The following KIF21B variants were observed in gnomAD, a reference collection of about 807,000 sequenced individuals.
KIF21B encodes kinesin family member 21B.
KIF21B carries 85 observed loss-of-function variants against 192.9 expected under a neutral mutation model. The observed-to-expected ratio is 0.44, with a 90% confidence interval of 0.37 to 0.53. The LOEUF is 0.53. Ranked by LOEUF, KIF21B falls within the 20% of genes least tolerant of loss-of-function variation. The pLI, the probability that KIF21B is intolerant of heterozygous loss-of-function variation, is 0.00. For synonymous variants in KIF21B, 832 were observed against 884.6 expected (o/e 0.94, Z 1.05); for missense variants, 1,716 against 2,194.8 (o/e 0.78, Z 4.36).
chr1:200,975,739 AC>A lies in KIF21B; in HGVS notation c.4444-71del. ...GAAGGCAGGGCCTACAGCACTGTGG[AC>A]CCAGAGGCCTGAAGACCCAGGAGTC... is the stretch of plus-strand genomic sequence containing the variant. On this transcript the variant is annotated intron_variant, in intron 32 of 34. Coordinates refer to ENST00000461742, the MANE Select transcript of KIF21B (RefSeq NM_001252102.2). This position sits in a 1 kb window ranked among gnomAD's most constrained non-coding sequence, Gnocchi z 4.3. 1 of 1,457,508 alleles carries A rather than the reference AC, an allele frequency of 6.9e-7. No individual in the cohort carries two copies. Among genetic ancestry groups the A allele is most frequent in the Non-Finnish European group, 9.2e-7 (1 of 1,086,726 alleles). 90.3% of individuals were successfully genotyped at this position (1,457,508 alleles called of 1,614,324 possible).
At chr1:201,019,756 C>T (rs1658715642) in intron 1 of KIF21B, among the ~76,000 whole-genome samples, 1 of 152,038 alleles carries the variant, frequency 6.6e-6, no homozygotes, top group East Asian at 1.9e-4. Flanking sequence ...CTGTATGGGC[C>T]TCAGTTTCTG....
intron 31 of KIF21B, 76 bp downstream of exon 31, chr1:200,977,136 G>T: frequency 6.5e-7 from 1 of 1,527,584 alleles, no homozygotes; most frequent in South Asian, 1.2e-5. Flanking sequence ...CCCTGGGGTG[G>T]GTCCCCCTGA....
At chr1:201,009,240 C>T in intron 2 of KIF21B, 26 bp downstream of exon 2, 1 of 1,604,630 alleles carries the variant, frequency 6.2e-7, no homozygotes, top group South Asian at 1.1e-5. Flanking sequence ...CTGGAGCCGC[C>T]ATAGGTGGGC....
In KIF21B at chr1:200,976,900, T is replaced by C; in HGVS notation, c.4326-7A>G. ...CTTGCCGACAGGCTGGAACCTGCAGTGGGAAGAGGCCCAGCCAGGGGTAGG... is the reference window on the plus strand; with the variant it reads ...CTTGCCGACAGGCTGGAACCTGCAGCGGGAAGAGGCCCAGCCAGGGGTAGG... On this transcript the variant is annotated splice_region_variant and splice_polypyrimidine_tract_variant and intron_variant, in intron 31 of 34. Transcript: ENST00000461742. 1.3e-6 allele frequency: 2 copies of C among 1,596,760 alleles called. No homozygotes were observed. Among genetic ancestry groups the C allele is most frequent in the East Asian group, 2.2e-5 (1 of 44,568 alleles).
chr1:201,009,131 G>A, intron 2 of KIF21B, 135 bp downstream of exon 2: 2 of 1,114,530 alleles, frequency 1.8e-6, no homozygotes, highest in East Asian at 2.6e-5. Context: ...CTAACCAGCG[G>A]TGCAACGGCC....
At chr1:200,974,262 G>C in intron 34 of KIF21B, 32 of 1,459,198 alleles carry the variant, frequency 2.2e-5, no homozygotes, top group Non-Finnish European at 2.9e-5. Context: ...GGGGAGAGAA[G>C]GGACAAAGTC....
At chr1:200,991,542 C>T (rs1262496687) in intron 17 of KIF21B, 115 bp downstream of exon 17, 3 of 1,082,256 alleles carry the variant, frequency 2.8e-6, no homozygotes, top group Non-Finnish European at 4.1e-6. Flanking sequence ...GGAAATACCG[C>T]CTTTATTCCA....
rs1351701830 is a variant in KIF21B, at chr1:200,981,090, G to A, written c.3849C>T (p.Ile1283=). 6.3e-6 allele frequency: 10 copies of A among 1,590,424 alleles called. No homozygotes were observed. The highest frequency in any genetic ancestry group is 7.7e-6 in the Non-Finnish European group (9 of 1,172,634). The change falls in exon 29 of 35, where the codon ATC becomes ATT. Residue 1283 remains isoleucine (I), a synonymous_variant. Coordinates refer to ENST00000461742, the MANE Select transcript of KIF21B (RefSeq NM_001252102.2). The part of the protein sequence containing the change: ...DSSLSEVLRG[I]ISPVGGAKGA... ...CCTTGGCTCCTCCAACCGGGGAGAT[G>A]ATGCCCCTTCCCGGGAGAGAGGGAG...
intron 1 of KIF21B, among the ~76,000 whole-genome samples, chr1:201,022,157 G>A (rs1393024426): frequency 2.0e-5 from 3 of 152,216 alleles, no homozygotes; most frequent in East Asian, 1.9e-4. Context: ...CCAGGTGGCC[G>A]TGGCAAGGGG....
intron 7 of KIF21B, 60 bp from the exon 8 acceptor site, chr1:201,003,841 G>T: frequency 1.3e-6 from 2 of 1,558,832 alleles, no homozygotes; most frequent in South Asian, 1.1e-5. Flanking sequence ...CAGAAGCATT[G>T]CCTCAGGGTA....
In KIF21B at chr1:200,985,402, C is replaced by A. The variant is rs890889774; in HGVS notation, c.3690-430G>T. On this transcript the variant is annotated intron_variant, in intron 26 of 34. Coordinates refer to ENST00000461742, the MANE Select transcript of KIF21B (RefSeq NM_001252102.2). ...ACTTGAGAGTCTAAGGTGGGAGGATCGCTTGAGCCTGGGAGGTGGAGATTG... is the reference window on the plus strand; with the variant it reads ...ACTTGAGAGTCTAAGGTGGGAGGATAGCTTGAGCCTGGGAGGTGGAGATTG... Among the ~76,000 whole-genome samples, 13 of 152,180 alleles carry A rather than the reference C, an allele frequency of 8.5e-5. No homozygotes were observed. The East Asian group carries it at 2.5e-3, about 30-fold the overall frequency.
Position 201,002,206 on chromosome 1 carries a change from T to A in KIF21B, c.1357A>T (p.Thr453Ser). 6.2e-7 allele frequency: 1 copy of A among 1,614,138 alleles called. No homozygotes were observed. Among genetic ancestry groups the A allele is most frequent in the Non-Finnish European group, 8.5e-7 (1 of 1,180,010 alleles). The change falls in exon 9 of 35, where the codon ACC (threonine) becomes TCC (serine). Residue 453 changes from threonine to serine, a missense_variant. Physicochemically the swap from Thr to Ser is moderately conservative, Grantham distance 58. Coordinates refer to ENST00000461742, the MANE Select transcript of KIF21B (RefSeq NM_001252102.2). ...TTGGCCTCCTGGCTCATGAGCTGGG[T>A]GACGCGGTTGTTGATGGCATCGATG... ...EAIDAINNRV[T>S]QLMSQEANLL...
At position 200,992,362 on chromosome 1, in the gene KIF21B, C is replaced by G. The variant is rs1656759906; in HGVS notation, c.2305G>C (p.Glu769Gln). 6.2e-7 allele frequency: 1 copy of G among 1,613,070 alleles called. No homozygotes were observed. Among genetic ancestry groups the G allele is most frequent in the African/African-American group, 1.3e-5 (1 of 74,954 alleles). ...KVALMKQMREEQQRRRLVETK... is the reference protein window; with the variant it reads ...KVALMKQMREQQQRRRLVETK... Reference sequence around the variant, plus strand: ...TCCACTAGCCGCCGCCGCTGTTGCTCCTCACGCATCTGCTTCATCAGGGCC... The same window carrying G: ...TCCACTAGCCGCCGCCGCTGTTGCTGCTCACGCATCTGCTTCATCAGGGCC... Residue 769 changes from glutamate to glutamine, a missense_variant, in exon 16 of 35, where the codon GAG becomes CAG. This residue lies in a region of KIF21B where 1,087 missense variants were observed against 1,316.6 expected (regional missense o/e 0.83). Transcript: ENST00000461742.
intron 1 of KIF21B, among the ~76,000 whole-genome samples, chr1:201,020,278 GC>G (rs958605308): frequency 6.6e-5 from 10 of 152,152 alleles, no homozygotes; most frequent in African/African-American, 2.4e-4. Flanking sequence ...TTTCAACTTT[GC>G]CAACTTGCAT....
At chr1:200,984,812 A>G (rs1656179642) in intron 27 of KIF21B, 47 bp downstream of exon 27, 1 of 1,387,354 alleles carries the variant, frequency 7.2e-7, no homozygotes, top group African/African-American at 1.5e-5. Flanking sequence ...CAGGCTCCCC[A>G]TTGCCACCTC....
Position 201,004,849 on chromosome 1 carries a change from C to T in KIF21B, c.817G>A (p.Asp273Asn). The part of the protein sequence containing the change: ...ETLTAKFHFV[D>N]LAGSERLKRT... The stretch of plus-strand genomic sequence containing the variant: ...TTCAGCCGCTCTGAGCCGGCCAGGT[C>T]CACAAAGTGAAACTTAGCAGTGAGT... Residue 273 changes from aspartate to asparagine, a missense_variant, in exon 6 of 35, where the codon GAC becomes AAC. Asp to Asn is a conservative substitution (Grantham distance 23). Around this residue, in one of 3 missense-constraint regions of KIF21B, gnomAD observed 1,087 missense variants for 1,316.6 expected, o/e 0.83. Transcript: ENST00000461742. 6.2e-7 allele frequency: 1 copy of T among 1,614,144 alleles called. No individual in the cohort carries two copies. Among genetic ancestry groups the T allele is most frequent in the Non-Finnish European group, 8.5e-7 (1 of 1,180,022 alleles).
chr1:201,003,919 A>C (rs987786757), intron 7 of KIF21B, 138 bp from the exon 8 acceptor site: 25 of 856,898 alleles, frequency 2.9e-5, no homozygotes, highest in Middle Eastern at 3.3e-4. Context: ...TCAGGACAGA[A>C]CCTGGGATGT....
At chr1:200,991,186 A>G (rs1656671325) in intron 17 of KIF21B, 37 bp from the exon 18 acceptor site, 1 of 1,568,678 alleles carries the variant, frequency 6.4e-7, no homozygotes, top group African/African-American at 1.4e-5. Context: ...GCCGGTGAGC[A>G]GGGTGGCCTG....
chr1:201,007,511 TACAC>T (rs1304137729), intron 3 of KIF21B, among the ~76,000 whole-genome samples: 1 of 48,620 alleles, frequency 2.1e-5, no homozygotes, highest in African/African-American at 8.8e-5. Flanking sequence ...GACACAGACA[TACAC>T]ACACAGAGAC....
Sources: allele counts gnomAD v4.1 joint callset (sites outside exome capture counted in the v4.1 genomes callset), GRCh38; gene constraint gnomAD v4.1.1; regional missense constraint gnomAD v4.1.1; non-coding constraint Gnocchi (gnomAD v3.1); transcripts MANE v1.5; gene names NCBI Gene and HGNC (gene_info 2026-07-23, HGNC 2026-07-21).